SLC25A37: variants seen among roughly 807,000 people sequenced by gnomAD.
SLC25A37 encodes mitoferrin-1.
SLC25A37 carries 17 observed loss-of-function variants against 31.0 expected under a neutral mutation model. The observed-to-expected ratio is 0.55, with a 90% CI of 0.38 to 0.82. The LOEUF is 0.82. SLC25A37 is among the 40% of genes least tolerant of loss of function. The pLI, the probability that SLC25A37 is intolerant of heterozygous loss-of-function variation, is 0.00. For synonymous variants in SLC25A37, 222 were observed against 193.0 expected (o/e 1.15, Z -1.24); for missense variants, 404 against 465.8 (o/e 0.87, Z 1.22).
At position 23,571,402 on chromosome 8, in the gene SLC25A37, G is replaced by A. The variant is rs1322033338; in HGVS notation, c.564G>A (p.Val188=). ...CAGCAATCAGCTGCATCCGGACGGTGTGGAGGACCGAGGGGTTGGGGGCCT... is the reference window on the plus strand; with the variant it reads ...CAGCAATCAGCTGCATCCGGACGGTATGGAGGACCGAGGGGTTGGGGGCCT... The part of the protein sequence containing the change: ...HRSAISCIRT[V]WRTEGLGAFY... Residue 188 remains valine, a synonymous_variant, in exon 4 of 4, where the codon GTG becomes GTA. Coordinates refer to ENST00000519973, the MANE Select transcript of SLC25A37 (RefSeq NM_016612.4). The A allele has an allele frequency of 1.9e-6, 3 of 1,613,648 alleles. No individual in the cohort carries two copies. The highest frequency in any genetic ancestry group is 1.3e-5 in the African/African-American group (1 of 74,926).
chr8:23,568,249 C>T (rs777548996), intron 2 of SLC25A37, 73 bp from the exon 3 acceptor site: 2 of 1,549,118 alleles, frequency 1.3e-6, no homozygotes, highest in Non-Finnish European at 1.8e-6. Flanking sequence ...TGGGTTCCGT[C>T]TGATTTTAGG....
At chr8:23,569,432 C>T (rs1313669401) in intron 3 of SLC25A37, among the ~76,000 whole-genome samples, 2 of 152,162 alleles carry the variant, frequency 1.3e-5, no homozygotes, top group Non-Finnish European at 2.9e-5. Flanking sequence ...CACACACTCA[C>T]TCTCTTAGCC....
Position 23,548,061 on chromosome 8 carries a change from G to A in SLC25A37, c.211-18047G>A, listed in dbSNP as rs191292357. Among the ~76,000 whole-genome samples, 207 of 152,360 alleles carry A rather than the reference G, an allele frequency of 1.4e-3. 2 individuals are homozygous for A. The highest frequency in any genetic ancestry group is 4.3e-3 in the African/African-American group (178 of 41,580). On this transcript the variant is annotated intron_variant, in intron 1 of 3. Transcript: ENST00000519973. Reference sequence around the variant, plus strand: ...CCAGAGGAGCATCCGTGGGAATGATGGGGTTGGGGAGCTGGGGAGCCTCCC... The same window carrying A: ...CCAGAGGAGCATCCGTGGGAATGATAGGGTTGGGGAGCTGGGGAGCCTCCC...
intron 1 of SLC25A37, among the ~76,000 whole-genome samples, chr8:23,557,025 AT>A (rs35670708): frequency 4.6e-5 from 7 of 151,894 alleles, no homozygotes; most frequent in African/African-American, 1.5e-4. Context: ...TAATTTTTAT[AT>A]TTTTAGTAGA....
chr8:23,529,149 G>A lies in SLC25A37; in HGVS notation c.147G>A (p.Met49Ile), dbSNP rs1486407443. Residue 49 changes from methionine (M) to isoleucine (I), a missense_variant, in exon 1 of 4, where the codon ATG becomes ATA. Coordinates refer to ENST00000519973, the MANE Select transcript of SLC25A37 (RefSeq NM_016612.4). The surrounding 1 kb of genome is among the most constrained non-coding windows in gnomAD (Gnocchi z 4.1). ...CTAGCGCCTCCGTGTCCACCCACATGACAGCAGGAGCGATGGCCGGGATCC... is the reference window on the plus strand; with the variant it reads ...CTAGCGCCTCCGTGTCCACCCACATAACAGCAGGAGCGATGGCCGGGATCC... ...LPTSASVSTHMTAGAMAGILE... is the reference protein window; with the variant it reads ...LPTSASVSTHITAGAMAGILE... The A allele has an allele frequency of 1.4e-5, 22 of 1,611,638 alleles. No homozygotes were observed. Among genetic ancestry groups the A allele is most frequent in the Non-Finnish European group, 1.8e-5 (21 of 1,179,190 alleles).
intron 1 of SLC25A37, among the ~76,000 whole-genome samples, chr8:23,547,688 G>A (rs560862790): frequency 8.5e-5 from 13 of 152,294 alleles, no homozygotes; most frequent in Middle Eastern, 3.4e-3. Flanking sequence ...GTGGTGGGAA[G>A]GACCAGCGGC....
chr8:23,566,287 G>A lies in SLC25A37; in HGVS notation c.390G>A (p.Arg130=). 1 of 1,597,220 alleles carries A rather than the reference G, an allele frequency of 6.3e-7. No homozygotes were observed. The highest frequency in any genetic ancestry group is 8.5e-7 in the Non-Finnish European group (1 of 1,174,032). ...MYFACYENMK[R]TLNDVFHHQG... Reference sequence around the variant, plus strand: ...TTGCCTGCTATGAAAACATGAAAAGGACTTTAAATGACGTTTTCCACCACC... The same window carrying A: ...TTGCCTGCTATGAAAACATGAAAAGAACTTTAAATGACGTTTTCCACCACC... Residue 130 remains arginine (R), a synonymous_variant, in exon 2 of 4, where the codon AGG becomes AGA. Coordinates refer to ENST00000519973, the MANE Select transcript of SLC25A37 (RefSeq NM_016612.4).
intron 1 of SLC25A37, among the ~76,000 whole-genome samples, chr8:23,539,695 G>A (rs375655123): frequency 1.6e-3 from 238 of 152,332 alleles, no homozygotes; most frequent in African/African-American, 5.2e-3. Flanking sequence ...CTTTTTGACA[G>A]GGCTGTTGGG....
intron 1 of SLC25A37, among the ~76,000 whole-genome samples, chr8:23,532,557 C>G (rs887649719): frequency 2.0e-5 from 3 of 152,204 alleles, no homozygotes; most frequent in African/African-American, 4.8e-5. Flanking sequence ...TGCCGAGTCC[C>G]GCCTGGGGAA....
Position 23,571,906 on chromosome 8 carries a change from GC to G in SLC25A37, c.*55del, listed in dbSNP as rs1563270639. The stretch of plus-strand genomic sequence containing the variant: ...TAAAGTCATTCTCTGCCTGCATCCA[GC>G]CCCTTGCCCTCTCCTCACACGTAGA... On this transcript the variant is annotated 3_prime_UTR_variant, in exon 4 of 4. Coordinates refer to ENST00000519973, the MANE Select transcript of SLC25A37 (RefSeq NM_016612.4). The G allele has an allele frequency of 7.0e-6, 11 of 1,573,416 alleles. No homozygotes were observed. The highest frequency in any genetic ancestry group is 9.5e-6 in the Non-Finnish European group (11 of 1,157,018).
rs1322479155 is a variant in SLC25A37, at chr8:23,573,624, G to A, written c.*1769G>A. 2 of 359,194 alleles carry A rather than the reference G, an allele frequency of 5.6e-6. No homozygotes were observed. Among genetic ancestry groups the A allele is most frequent in the Non-Finnish European group, 1.1e-5 (2 of 174,870 alleles). The allele number at this position is 359,194 out of a possible 1,614,324, so 22.3% of individuals were successfully genotyped here. A position where few individuals can be genotyped will look rare whatever the true frequency, so the allele number is the denominator to read the frequency against. On this transcript the variant is annotated 3_prime_UTR_variant, in exon 4 of 4. Transcript: ENST00000519973. ...TTTCCATCTTGGGACCATGCACACA[G>A]TGCCTTGGGGAGTAGATTTTGCCCT...
intron 1 of SLC25A37, among the ~76,000 whole-genome samples, chr8:23,545,175 C>T (rs527727508): frequency 1.4e-4 from 21 of 152,222 alleles, no homozygotes; most frequent in African/African-American, 3.9e-4. Context: ...ATGGTGTAGG[C>T]GACAACTGTG....
intron 1 of SLC25A37, among the ~76,000 whole-genome samples, chr8:23,538,873 T>C (rs1801831424): frequency 6.6e-6 from 1 of 152,218 alleles, no homozygotes; most frequent in Non-Finnish European, 1.5e-5. Context: ...CTTGCAGGTC[T>C]AGAGCCTACA....
At chr8:23,538,133 C>G (rs1385841077) in intron 1 of SLC25A37, among the ~76,000 whole-genome samples, 2 of 151,814 alleles carry the variant, frequency 1.3e-5, no homozygotes, top group African/African-American at 4.8e-5. Flanking sequence ...ATAATCCCAG[C>G]ACTTTGGGAG....
At chr8:23,550,267 G>A (rs1264409470) in intron 1 of SLC25A37, among the ~76,000 whole-genome samples, 1 of 144,240 alleles carries the variant, frequency 6.9e-6, no homozygotes, top group Non-Finnish European at 1.5e-5. Flanking sequence ...CTCTGAATCC[G>A]TGGTAGTCAT....
At chr8:23,554,779 G>T (rs1485591768) in intron 1 of SLC25A37, among the ~76,000 whole-genome samples, 1 of 152,226 alleles carries the variant, frequency 6.6e-6, no homozygotes, top group Non-Finnish European at 1.5e-5. Flanking sequence ...CTGGCAAGCA[G>T]CTGTAGCTTT....
At chr8:23,569,207 T>C (rs781720157) in intron 3 of SLC25A37, among the ~76,000 whole-genome samples, 1 of 152,148 alleles carries the variant, frequency 6.6e-6, no homozygotes, top group African/African-American at 2.4e-5. Context: ...GAGGCTGCAG[T>C]GAGTCGTGAT....
chr8:23,555,324 A>G (rs1802335229), intron 1 of SLC25A37, among the ~76,000 whole-genome samples: 1 of 152,184 alleles, frequency 6.6e-6, no homozygotes, highest in African/African-American at 2.4e-5. Flanking sequence ...TTACAGCTTG[A>G]CATACTCTTC....
chr8:23,552,228 A>G (rs1296537535), intron 1 of SLC25A37, among the ~76,000 whole-genome samples: 1 of 152,214 alleles, frequency 6.6e-6, no homozygotes, highest in Non-Finnish European at 1.5e-5. Flanking sequence ...GAGCCTTTCT[A>G]AAAATAGTTC....
Sources: gnomAD v4.1 joint callset for allele counts (sites outside exome capture counted in the v4.1 genomes callset) on GRCh38, gnomAD v4.1.1 for gene constraint, Gnocchi (gnomAD v3.1) non-coding constraint, MANE v1.5 for transcripts, NCBI Gene and HGNC (gene_info 2026-07-23, HGNC 2026-07-21) for gene names.